CSMD1: variants seen among roughly 807,000 people sequenced by gnomAD.
The protein encoded by CSMD1 is CUB and Sushi multiple domains 1, also known as CUB and sushi domain-containing protein 1.
Under a neutral mutation model 417.5 loss-of-function variants are expected in CSMD1, and 213 were observed. The observed-to-expected ratio is 0.51, with a 90% CI of 0.46 to 0.57. The LOEUF (loss-of-function observed/expected upper bound fraction) is 0.57, where lower values mean the gene tolerates loss of function less well. Ranked by LOEUF, CSMD1 falls within the 20% of genes least tolerant of loss-of-function variation. The pLI is 0.00. For missense variants in CSMD1, 6,923 were observed against 4,529.7 expected, an observed-to-expected ratio of 1.53 and a Z score of -15.17; for synonymous variants, 2,862 against 1,736.8, an observed-to-expected ratio of 1.65 and a Z score of -16.11.
At chr8:2,967,863 G>C (rs1045158933) in intron 57 of CSMD1, among the ~76,000 whole-genome samples, 1 of 152,132 alleles carries the variant, frequency 6.6e-6, no homozygotes, top group Non-Finnish European at 1.5e-5. Flanking sequence ...TGATTACATA[G>C]AAATAAAGCA....
rs1185660790 is a variant in CSMD1 at position 3,219,445 on chromosome 8, A to G, written c.4485-3T>C. 4.8e-6 allele frequency: 7 copies of G among 1,468,014 alleles called. No individual in the cohort carries two copies. The highest frequency in any genetic ancestry group is 5.4e-6 in the Non-Finnish European group (6 of 1,108,286). The allele number at this position is 1,468,014 out of a possible 1,614,324, so 90.9% of individuals were successfully genotyped here. ...CATAGCTGGGCTCCATGTTGAAACT[A>G]AAGAAAAGAATAGTAATTATGTCAT... is the stretch of plus-strand genomic sequence containing the variant. On this transcript the variant is annotated splice_region_variant and splice_polypyrimidine_tract_variant and intron_variant, in intron 28 of 69. Transcript: ENST00000635120.
intron 3 of CSMD1, among the ~76,000 whole-genome samples, chr8:4,048,698 C>A (rs976037992): frequency 2.6e-5 from 4 of 152,154 alleles, no homozygotes; most frequent in Non-Finnish European, 5.9e-5. Flanking sequence ...TGCTTCCTGA[C>A]ACATTTGGGT....
At chr8:3,395,102 G>A (rs1370380554) in intron 17 of CSMD1, among the ~76,000 whole-genome samples, 2 of 152,086 alleles carry the variant, frequency 1.3e-5, no homozygotes, top group Non-Finnish European at 2.9e-5. Flanking sequence ...GGAATGGAAG[G>A]CAAGAAAACG....
At chr8:3,524,506 C>G (rs1241156803) in intron 10 of CSMD1, among the ~76,000 whole-genome samples, 1 of 143,706 alleles carries the variant, frequency 7.0e-6, no homozygotes, top group African/African-American at 2.8e-5. Flanking sequence ...CACACATGCA[C>G]AGATGCACAC....
rs761042915 is a variant in CSMD1 at position 3,407,968 on chromosome 8, G to A, written c.2002C>T (p.His668Tyr). Residue 668 changes from histidine to tyrosine, a missense_variant, in exon 14 of 70, where the codon CAT becomes TAT. Coordinates refer to ENST00000635120, the MANE Select transcript of CSMD1 (RefSeq NM_033225.6). ...EVPSQLASSGHIVRLEFQSDH... is the reference protein window; with the variant it reads ...EVPSQLASSGYIVRLEFQSDH... ...GACTGAAATTCCAAGCGAACTATATGCCCACTGCTGGCCAGCTGGGAAGGC... is the reference window on the plus strand; with the variant it reads ...GACTGAAATTCCAAGCGAACTATATACCCACTGCTGGCCAGCTGGGAAGGC... The A allele has an allele frequency of 3.1e-6, 5 of 1,613,676 alleles. No individual in the cohort carries two copies. Among genetic ancestry groups the A allele is most frequent in the Middle Eastern group, 1.6e-4 (1 of 6,062 alleles).
intron 12 of CSMD1, among the ~76,000 whole-genome samples, chr8:3,457,775 C>G (rs62505646): frequency 0.09 from 13,683 of 152,120 alleles, 683 homozygotes; most frequent in Middle Eastern, 0.13. Context: ...GCAACAAATT[C>G]CAATTGAAAG....
chr8:3,155,297 G>C (rs1209303265), intron 39 of CSMD1, among the ~76,000 whole-genome samples: 1 of 148,650 alleles, frequency 6.7e-6, no homozygotes, highest in South Asian at 2.1e-4. Flanking sequence ...ATGAATCAAA[G>C]GCAGTTTTAA....
In CSMD1 at chr8:4,805,545, T is replaced by C. The variant is rs576470256; in HGVS notation, c.86-167987A>G. Among the ~76,000 whole-genome samples, 7 of 152,242 alleles carry C rather than the reference T, an allele frequency of 4.6e-5. No individual in the cohort carries two copies. In the South Asian group the frequency reaches 1.5e-3, roughly 32 times the overall value. On this transcript the variant is annotated intron_variant, in intron 1 of 69. Transcript: ENST00000635120. Reference sequence around the variant, plus strand: ...CACTCCCTCATCACATCACTTAACCTTCCCCTCTCACTTGCTCTAAATGTG... The same window carrying C: ...CACTCCCTCATCACATCACTTAACCCTCCCCTCTCACTTGCTCTAAATGTG...
chr8:3,982,615 G>A (rs1018537685), intron 5 of CSMD1, among the ~76,000 whole-genome samples: 5 of 107,742 alleles, frequency 4.6e-5, no homozygotes, highest in Admixed American at 2.0e-4. Context: ...ACTGCTGAGA[G>A]AGAAAAAAAA....
chr8:3,496,681 C>G (rs1031203450), intron 10 of CSMD1, among the ~76,000 whole-genome samples: 1 of 152,000 alleles, frequency 6.6e-6, no homozygotes, highest in African/African-American at 2.4e-5. Context: ...CAAAAATTAG[C>G]CTGGCATGGT....
At chr8:4,323,212 T>C (rs1272912866) in intron 3 of CSMD1, among the ~76,000 whole-genome samples, 1 of 152,156 alleles carries the variant, frequency 6.6e-6, no homozygotes, top group East Asian at 1.9e-4. Flanking sequence ...TGCAGACCCA[T>C]GTGATTGTAA....
chr8:2,947,500 C>A (rs1802330056), intron 68 of CSMD1, among the ~76,000 whole-genome samples: 1 of 152,142 alleles, frequency 6.6e-6, no homozygotes, highest in Admixed American at 6.5e-5. Context: ...ACAAGCTCAT[C>A]ATCACATGAG....
Position 4,994,218 on chromosome 8 carries a change from C to A in CSMD1, c.85+114G>T. The A allele has an allele frequency of 5.7e-6, 5 of 882,744 alleles. No homozygotes were observed. In the South Asian group the frequency reaches 7.8e-5, roughly 14 times the overall value. The allele number at this position is 882,744 out of a possible 1,614,324, so 54.7% of individuals were successfully genotyped here. A position where few individuals can be genotyped will look rare whatever the true frequency, so the allele number is the denominator to read the frequency against. On this transcript the variant is annotated intron_variant, in intron 1 of 69. Transcript: ENST00000635120. ...CCCGAGCTTCGGCGATGGAGCAGCG[C>A]CGGGCAGAGGCGGCCACTCCGTACC...
intron 49 of CSMD1, among the ~76,000 whole-genome samples, chr8:3,060,128 C>T (rs1398387743): frequency 1.3e-5 from 2 of 151,496 alleles, no homozygotes; most frequent in Non-Finnish European, 2.9e-5. Context: ...ATACATTGAG[C>T]CTGTCCTAAA....
intron 12 of CSMD1, among the ~76,000 whole-genome samples, chr8:3,413,100 G>T: frequency 6.6e-6 from 1 of 152,102 alleles, no homozygotes; most frequent in Middle Eastern, 3.2e-3. Flanking sequence ...TCAAAGGGTG[G>T]CCATGAGAAT....
intron 1 of CSMD1, among the ~76,000 whole-genome samples, chr8:4,884,562 T>G (rs534557949): frequency 2.7e-3 from 404 of 152,186 alleles, no homozygotes; most frequent in Non-Finnish European, 4.1e-3. Flanking sequence ...TTGAGATGGA[T>G]TGGGCTTCGA....
intron 2 of CSMD1, among the ~76,000 whole-genome samples, chr8:4,510,377 A>C (rs1158830316): frequency 7.2e-6 from 1 of 138,434 alleles, no homozygotes; most frequent in Admixed American, 7.6e-5. Flanking sequence ...AGACAATTAA[A>C]AAGCATAATG....
intron 5 of CSMD1, among the ~76,000 whole-genome samples, chr8:3,948,138 T>G (rs1811361501): frequency 6.6e-6 from 1 of 152,158 alleles, no homozygotes; most frequent in East Asian, 1.9e-4. Context: ...CCGAGAGGCT[T>G]AGGTTGCAGT....
At chr8:4,458,522 G>A (rs1351340411) in intron 2 of CSMD1, among the ~76,000 whole-genome samples, 2 of 152,022 alleles carry the variant, frequency 1.3e-5, no homozygotes, top group Admixed American at 6.6e-5. Context: ...TGTATAGTGT[G>A]AAAGAGGTAT....
Sources: allele counts gnomAD v4.1 joint callset (sites outside exome capture counted in the v4.1 genomes callset), GRCh38; gene constraint gnomAD v4.1.1; transcripts MANE v1.5; gene names NCBI Gene and HGNC (gene_info 2026-07-23, HGNC 2026-07-21).